Variants in KIAA1217 observed in about 807,000 individuals in gnomAD.
KIAA1217 encodes sickle tail protein homolog.
In KIAA1217, 88 loss-of-function variants were observed where a neutral mutation model predicts 163.9. The ratio of observed to expected loss-of-function variants is 0.54; its 90% confidence interval spans 0.45 to 0.64. The LOEUF is 0.64. Ranked by LOEUF, KIAA1217 falls within the 30% of genes least tolerant of loss-of-function variation. The probability of loss-of-function intolerance (pLI) is 0.00; values close to 1 mark genes in which losing one functional copy is unlikely to be tolerated. For missense variants in KIAA1217, 2,372 were observed against 2,475.0 expected, an observed-to-expected ratio of 0.96 and a Z score of 0.88; for synonymous variants, 903 against 923.1, an observed-to-expected ratio of 0.98 and a Z score of 0.39.
intron 5 of KIAA1217, among the ~76,000 whole-genome samples, chr10:24,458,207 G>T (rs1241780587): frequency 6.6e-6 from 1 of 152,242 alleles, no homozygotes; most frequent in Non-Finnish European, 1.5e-5. Context: ...ATAAGGAGAA[G>T]CAGTAGTTTT....
intron 2 of KIAA1217, among the ~76,000 whole-genome samples, chr10:24,015,441 G>A (rs1007651720): frequency 1.3e-5 from 2 of 151,976 alleles, no homozygotes; most frequent in African/African-American, 2.4e-5. Flanking sequence ...TTGTTAGGGA[G>A]GTTTATGACC....
rs2053222799 is a variant in KIAA1217 at position 24,381,021 on chromosome 10, C to A, written c.507C>A (p.Ser169Arg). 1.2e-6 allele frequency: 2 copies of A among 1,606,228 alleles called. No homozygotes were observed. The highest frequency in any genetic ancestry group is 1.7e-6 in the Non-Finnish European group (2 of 1,175,580). The change falls in exon 3 of 21, where the codon AGC (serine) becomes AGA (arginine). Residue 169 changes from serine to arginine, a missense_variant. Around this residue, in one of 3 missense-constraint regions of KIAA1217, gnomAD observed 1,431 missense variants for 1,470.3 expected, o/e 0.97. Transcript: ENST00000376454. The stretch of plus-strand genomic sequence containing the variant: ...CCAGAGGCAGCCGGACTCGTGCGAG[C>A]CTTCCTGTGGTGAGGTCAACCAACC... ...PFSRGSRTRA[S>R]LPVVRSTNQT...
intron 1 of KIAA1217, among the ~76,000 whole-genome samples, chr10:23,808,006 G>T (rs1425474921): frequency 6.6e-6 from 1 of 152,352 alleles, no homozygotes; most frequent in East Asian, 1.9e-4. Flanking sequence ...GAGGATTGAT[G>T]ACAAACTTGC....
At chr10:24,208,249 T>C (rs1237307281), upstream of KIAA1217, among the ~76,000 whole-genome samples, 1 of 152,062 alleles carries the variant, frequency 6.6e-6, no homozygotes, top group African/African-American at 2.4e-5. Context: ...AGTATGTTGG[T>C]TGTAACTCTG....
At chr10:24,135,043 A>T (rs1023060325) in intron 2 of KIAA1217, among the ~76,000 whole-genome samples, 5 of 152,142 alleles carry the variant, frequency 3.3e-5, no homozygotes, top group Non-Finnish European at 7.3e-5. Flanking sequence ...TAGATAGGAG[A>T]AGTTCCTTTT....
chr10:24,013,099 A>G (rs529349804), intron 2 of KIAA1217, among the ~76,000 whole-genome samples: 19 of 152,212 alleles, frequency 1.2e-4, no homozygotes, highest in Non-Finnish European at 2.5e-4. Flanking sequence ...TTCACGATCT[A>G]TTTGGTGCCA....
chr10:24,332,056 C>G (rs1205941315), intron 2 of KIAA1217, among the ~76,000 whole-genome samples: 1 of 152,208 alleles, frequency 6.6e-6, no homozygotes, highest in Non-Finnish European at 1.5e-5. Context: ...ATTCCTTGGC[C>G]TCCCAAAGTG....
At chr10:23,707,146 T>TAAC in intron 1 of KIAA1217, among the ~76,000 whole-genome samples, 1 of 152,132 alleles carries the variant, frequency 6.6e-6, no homozygotes, top group African/African-American at 2.4e-5. Flanking sequence ...AATAGAATAA[T>TAAC]TACAAACTAA....
In KIAA1217 at chr10:23,830,632, C is replaced by G. The variant is rs1252321544; in HGVS notation, c.-321+135398C>G. ...AAGGGAGACAGTGATGATAGGGAGA[C>G]AGATGATAGACGATTGATAGAAAAT... On this transcript the variant is annotated intron_variant, in intron 1 of 18. Transcript: ENST00000376462. 2.0e-5 allele frequency among the ~76,000 whole-genome samples: 3 copies of G among 151,558 alleles called. No individual in the cohort carries two copies. In the South Asian group the frequency reaches 6.3e-4, roughly 32 times the overall value.
In KIAA1217 at chr10:24,104,198, C is replaced by T. The variant is rs976167183; in HGVS notation, c.-171+96824C>T. The stretch of plus-strand genomic sequence containing the variant: ...AAGAGAAGTTGAAAACTTCTATCCA[C>T]ATAAAACCTTTACACAGTTGTTTAT... On this transcript the variant is annotated intron_variant, in intron 2 of 18. Coordinates refer to the KIAA1217 transcript ENST00000376462. Among the ~76,000 whole-genome samples the T allele has an allele frequency of 1.1e-4, 16 of 152,182 alleles. 1 individual carries two copies. Among genetic ancestry groups the T allele is most frequent in the Non-Finnish European group, 1.0e-4 (7 of 68,028 alleles).
At chr10:24,485,548 C>G (rs1482332104) in intron 6 of KIAA1217, among the ~76,000 whole-genome samples, 2 of 152,224 alleles carry the variant, frequency 1.3e-5, no homozygotes, top group Admixed American at 6.5e-5. Context: ...AACACTCCCC[C>G]GCAGTCTCCC....
At chr10:23,994,923 G>T (rs16924183) in intron 1 of KIAA1217, among the ~76,000 whole-genome samples, 5 of 151,966 alleles carry the variant, frequency 3.3e-5, no homozygotes, top group Non-Finnish European at 7.4e-5. Context: ...TTTTTCACTG[G>T]TTTCAAGATC....
At chr10:24,134,469 G>A (rs1417674850) in intron 2 of KIAA1217, among the ~76,000 whole-genome samples, 2 of 152,172 alleles carry the variant, frequency 1.3e-5, no homozygotes, top group African/African-American at 4.8e-5. Context: ...TCTGGGACTA[G>A]GTAATAAGGG....
Position 24,277,530 on chromosome 10 carries a change from G to A in KIAA1217, c.354+57621G>A, listed in dbSNP as rs141235215. On this transcript the variant is annotated intron_variant, in intron 2 of 20. Transcript: ENST00000376454. Reference sequence around the variant, plus strand: ...AGTTCCCATAATCCCCACATGTTGTGGGAGGAACCTGGTGGGAGGTAATTG... The same window carrying A: ...AGTTCCCATAATCCCCACATGTTGTAGGAGGAACCTGGTGGGAGGTAATTG... 2.3e-3 allele frequency among the ~76,000 whole-genome samples: 353 copies of A among 152,342 alleles called. 2 individuals are homozygous for A. The highest frequency in any genetic ancestry group is 8.0e-3 in the African/African-American group (331 of 41,580).
intron 2 of KIAA1217, among the ~76,000 whole-genome samples, chr10:24,236,840 C>T (rs527898725): frequency 4.6e-5 from 7 of 151,528 alleles, no homozygotes; most frequent in South Asian, 2.1e-4. Context: ...TTTGTAGAGA[C>T]GGGGTATTGC....
At chr10:24,119,358 T>C (rs11013907) in intron 2 of KIAA1217, among the ~76,000 whole-genome samples, 1 of 152,352 alleles carries the variant, frequency 6.6e-6, no homozygotes, top group East Asian at 1.9e-4. Context: ...CTGAAAGATC[T>C]GTAAATCTAG....
At chr10:24,428,129 C>T (rs2059316184) in intron 3 of KIAA1217, among the ~76,000 whole-genome samples, 2 of 152,180 alleles carry the variant, frequency 1.3e-5, no homozygotes, top group Admixed American at 1.3e-4. Flanking sequence ...GGATGAAAAT[C>T]AGACCATCTT....
intron 1 of KIAA1217, among the ~76,000 whole-genome samples, chr10:23,865,647 ACT>A (rs1344238450): frequency 6.6e-6 from 1 of 150,812 alleles, no homozygotes; most frequent in African/African-American, 2.4e-5. Flanking sequence ...TTGCTTAAGA[ACT>A]CTGTTTTGTT....
chr10:23,789,252 A>T (rs1432969823), intron 1 of KIAA1217, among the ~76,000 whole-genome samples: 1 of 152,116 alleles, frequency 6.6e-6, no homozygotes, highest in East Asian at 1.9e-4. Context: ...ATCTTTGGTG[A>T]TTCAACGTTT....
Sources: gnomAD v4.1 joint callset for allele counts (sites outside exome capture counted in the v4.1 genomes callset) on GRCh38, gnomAD v4.1.1 for gene constraint, gnomAD v4.1.1 regional missense constraint, MANE v1.5 for transcripts, NCBI Gene and HGNC (gene_info 2026-07-23, HGNC 2026-07-21) for gene names.